ARHGAP39: variants seen among roughly 807,000 people sequenced by gnomAD.
ARHGAP39 encodes rho GTPase-activating protein 39.
In ARHGAP39, 44 loss-of-function variants were observed where a neutral mutation model predicts 106.9. The ratio of observed to expected loss-of-function variants is 0.41; its 90% CI spans 0.32 to 0.53. The LOEUF (loss-of-function observed/expected upper bound fraction) is 0.53. ARHGAP39 is among the 20% of genes least tolerant of loss of function. The pLI, the probability that ARHGAP39 is intolerant of heterozygous loss-of-function variation, is 0.21. For missense variants in ARHGAP39, 1,496 were observed against 1,577.3 expected, an observed-to-expected ratio of 0.95 and a Z score of 0.87; for synonymous variants, 768 against 693.2, an observed-to-expected ratio of 1.11 and a Z score of -1.69.
intron 10 of ARHGAP39, among the ~76,000 whole-genome samples, chr8:144,531,321 GGGGAGTAGGCTA>G (rs1429932319): frequency 4.9e-3 from 11 of 2,242 alleles, no homozygotes; most frequent in Non-Finnish European, 0.016. Context: ...AGCAGCAGGT[GGGGAGTAGGCTA>G]GACATAGCAG....
intron 2 of ARHGAP39, among the ~76,000 whole-genome samples, chr8:144,593,202 T>A (rs932192892): frequency 6.6e-6 from 1 of 152,138 alleles, no homozygotes; most frequent in Non-Finnish European, 1.5e-5. Context: ...TCAGCCCACA[T>A]AAGCCTTTTC....
chr8:144,623,688 C>T (rs896974174), intron 1 of ARHGAP39, among the ~76,000 whole-genome samples: 44 of 152,196 alleles, frequency 2.9e-4, no homozygotes, highest in African/African-American at 1.1e-3. Flanking sequence ...ACCCAAGAAA[C>T]GGAAAACACA....
At position 144,645,056 on chromosome 8, in the gene ARHGAP39, T is replaced by C. The variant is rs1303680085; in HGVS notation, c.-81-39361A>G. Among the ~76,000 whole-genome samples, 1 of 152,208 alleles carries C rather than the reference T, an allele frequency of 6.6e-6. No homozygotes were observed. Among genetic ancestry groups the C allele is most frequent in the African/African-American group, 2.4e-5 (1 of 41,448 alleles). ...GCACATGTCAACCGCAGTCCCCGTGTTATCCAGGAGGAAGCGAAGAAAACA... is the reference window on the plus strand; with the variant it reads ...GCACATGTCAACCGCAGTCCCCGTGCTATCCAGGAGGAAGCGAAGAAAACA... On this transcript the variant is annotated intron_variant, in intron 1 of 11. Transcript: ENST00000377307. This position sits in a 1 kb window ranked among gnomAD's most constrained non-coding sequence, Gnocchi z 4.4.
the ARHGAP39 span, among the ~76,000 whole-genome samples, chr8:144,691,984 C>T: frequency 2.6e-5 from 4 of 151,906 alleles, no homozygotes; most frequent in Non-Finnish European, 5.9e-5. Context: ...AATGGACCAC[C>T]GTATACATTA....
At chr8:144,696,903 A>G in the ARHGAP39 span, among the ~76,000 whole-genome samples, 382 of 152,308 alleles carry the variant, frequency 2.5e-3, 2 homozygotes, top group African/African-American at 8.7e-3. Flanking sequence ...GCACATAAGC[A>G]GAATTATACA....
At chr8:144,597,154 A>G (rs1379864644) in intron 2 of ARHGAP39, among the ~76,000 whole-genome samples, 1 of 152,192 alleles carries the variant, frequency 6.6e-6, no homozygotes, top group Non-Finnish European at 1.5e-5. Flanking sequence ...GGGCGACCAG[A>G]ACCCTAACAG....
chr8:144,657,970 A>C (rs1350954375), intron 1 of ARHGAP39, among the ~76,000 whole-genome samples: 1 of 152,212 alleles, frequency 6.6e-6, no homozygotes, highest in African/African-American at 2.4e-5. Flanking sequence ...ACAATAAAAG[A>C]TAATACAAAT....
At chr8:144,530,639 CGCGGAGGGGCGGGG>C (rs1816646962) in intron 11 of ARHGAP39, 23 bp from the exon 12 acceptor site, 1 of 586,854 alleles carries the variant, frequency 1.7e-6, no homozygotes, top group Non-Finnish European at 2.2e-6. Flanking sequence ...CGAGGGTGGG[CGCGGAGGGGCGGGG>C]GCGGGGCGGG....
intron 4 of ARHGAP39, among the ~76,000 whole-genome samples, chr8:144,552,479 C>A (rs1420703279): frequency 6.6e-6 from 1 of 152,236 alleles, no homozygotes; most frequent in East Asian, 1.9e-4. Flanking sequence ...GTTATACTCA[C>A]ACAGAACAAG....
At chr8:144,665,548 G>A (rs1486617180) in intron 1 of ARHGAP39, among the ~76,000 whole-genome samples, 1 of 152,236 alleles carries the variant, frequency 6.6e-6, no homozygotes, top group African/African-American at 2.4e-5. Context: ...GGGTCCCTGT[G>A]CTATGTGCAG....
intron 1 of ARHGAP39, among the ~76,000 whole-genome samples, chr8:144,680,445 G>GA (rs1822377998): frequency 6.6e-6 from 1 of 152,184 alleles, no homozygotes; most frequent in South Asian, 2.1e-4. Context: ...ACACGCAGAG[G>GA]AGTCTGCCAG....
chr8:144,615,495 C>T (rs1478939238), intron 1 of ARHGAP39, among the ~76,000 whole-genome samples: 2 of 152,106 alleles, frequency 1.3e-5, no homozygotes, highest in African/African-American at 4.8e-5. Flanking sequence ...AAACAAAAAC[C>T]CAGCCTGCTG....
At chr8:144,655,229 A>G (rs1265872497) in intron 1 of ARHGAP39, among the ~76,000 whole-genome samples, 3 of 152,102 alleles carry the variant, frequency 2.0e-5, no homozygotes, top group Admixed American at 6.5e-5. Flanking sequence ...TGGAGTGGGA[A>G]GTTGTGGTGC....
At position 144,548,021 on chromosome 8, in the gene ARHGAP39, C is replaced by G. The variant is rs773025518; in HGVS notation, c.1065G>C (p.Pro355=). 2.2e-5 allele frequency: 36 copies of G among 1,607,708 alleles called. No homozygotes were observed. The highest frequency in any genetic ancestry group is 3.0e-5 in the Non-Finnish European group (35 of 1,178,066). ...GGCCCTGCTTGTTGGGCTGGAGGAA[C>G]GGCCGGGGCTTACGGCCCGGCGACC... The part of the protein sequence containing the change: ...PQRSPGRKPR[P]FLQPNKQGPP... Residue 355 remains proline, a synonymous_variant, in exon 5 of 12, where the codon CCG becomes CCC. Coordinates refer to ENST00000377307, the MANE Select transcript of ARHGAP39 (RefSeq NM_025251.3). The surrounding 1 kb of genome is among the most constrained non-coding windows in gnomAD (Gnocchi z 7.4).
upstream of ARHGAP39, among the ~76,000 whole-genome samples, chr8:144,690,078 CTT>C (rs1191057578): frequency 6.6e-6 from 1 of 151,414 alleles, no homozygotes; most frequent in African/African-American, 2.4e-5. Context: ...CCACCGAACT[CTT>C]TTTCACAGCA....
intron 3 of ARHGAP39, among the ~76,000 whole-genome samples, chr8:144,558,632 G>A (rs889693060): frequency 1.5e-4 from 23 of 152,134 alleles, no homozygotes; most frequent in Non-Finnish European, 2.9e-4. Flanking sequence ...GCAACAGTAG[G>A]GAGCTAAAGA....
chr8:144,545,195 G>A, intron 6 of ARHGAP39, 54 bp downstream of exon 6: 5 of 1,415,656 alleles, frequency 3.5e-6, no homozygotes, highest in Non-Finnish European at 4.7e-6. Flanking sequence ...CACAGCAGGA[G>A]CCCTCTCCAC....
intron 1 of ARHGAP39, among the ~76,000 whole-genome samples, chr8:144,620,317 G>A (rs1447301990): frequency 1.0e-4 from 3 of 29,646 alleles, no homozygotes; most frequent in Admixed American, 2.9e-4. Flanking sequence ...GTGTGTGCCC[G>A]TGTCTGTTAG....
rs1821444086 is a variant in ARHGAP39, at chr8:144,646,366, G to A, written c.-82+39320C>T. Among the ~76,000 whole-genome samples the A allele has an allele frequency of 6.6e-6, 1 of 152,108 alleles. No individual in the cohort carries two copies. On this transcript the variant is annotated intron_variant, in intron 1 of 11. Coordinates refer to ENST00000377307, the MANE Select transcript of ARHGAP39 (RefSeq NM_025251.3). This position sits in a 1 kb window ranked among gnomAD's most constrained non-coding sequence, Gnocchi z 5.7. Reference sequence around the variant, plus strand: ...GCAGGAACAGAGAGCGGGAGGGGAGGGAGTGAAACTTCGTAGCACATGCCT... The same window carrying A: ...GCAGGAACAGAGAGCGGGAGGGGAGAGAGTGAAACTTCGTAGCACATGCCT...
Sources: gnomAD v4.1 joint callset for allele counts (sites outside exome capture counted in the v4.1 genomes callset) on GRCh38, gnomAD v4.1.1 for gene constraint, Gnocchi (gnomAD v3.1) non-coding constraint, MANE v1.5 for transcripts, NCBI Gene and HGNC (gene_info 2026-07-23, HGNC 2026-07-21) for gene names.